NTRK2: variants seen among roughly 807,000 people sequenced by gnomAD.
The protein encoded by NTRK2 is BDNF/NT-3 growth factors receptor.
Under a neutral mutation model 94.5 loss-of-function variants are expected in NTRK2, and 13 were observed. The observed-to-expected ratio is 0.14, with a 90% CI of 0.09 to 0.22. NTRK2 has a LOEUF of 0.22. NTRK2 is among the 10% of genes least tolerant of loss of function. NTRK2 has a pLI of 1.00. For synonymous variants in NTRK2, 372 were observed against 407.4 expected (o/e 0.91, Z 1.05); for missense variants, 639 against 1,071.2 (o/e 0.60, Z 5.63).
At chr9:84,766,772 C>A (rs2066071668) in intron 12 of NTRK2, among the ~76,000 whole-genome samples, 1 of 151,970 alleles carries the variant, frequency 6.6e-6, no homozygotes, top group Admixed American at 6.6e-5. Context: ...ATACATTCAA[C>A]ACACAGATAC....
At chr9:84,886,887 TGGAA>T (rs1164171450) in intron 14 of NTRK2, among the ~76,000 whole-genome samples, 1 of 152,184 alleles carries the variant, frequency 6.6e-6, no homozygotes, top group Non-Finnish European at 1.5e-5. Flanking sequence ...CTTTGAGAAT[TGGAA>T]TTTGAAATCT....
At chr9:84,994,398 T>C (rs1475847874) in intron 17 of NTRK2, among the ~76,000 whole-genome samples, 1 of 152,202 alleles carries the variant, frequency 6.6e-6, no homozygotes, top group Non-Finnish European at 1.5e-5. Context: ...AGATAACATC[T>C]AATTTGATCC....
At chr9:84,753,595 A>G (rs2064830663) in intron 12 of NTRK2, among the ~76,000 whole-genome samples, 1 of 152,134 alleles carries the variant, frequency 6.6e-6, no homozygotes, top group Admixed American at 6.5e-5. Context: ...AAACTCACCC[A>G]CAGCTTTGCA....
intron 14 of NTRK2, among the ~76,000 whole-genome samples, chr9:84,902,564 A>T (rs528329714): frequency 1.3e-5 from 2 of 152,216 alleles, no homozygotes; most frequent in African/African-American, 4.8e-5. Flanking sequence ...AAATAAATAC[A>T]TACATAAACA....
Position 84,670,764 on chromosome 9 carries a change from A to T in NTRK2, c.16A>T (p.Arg6Trp). The change falls in exon 2 of 19, where the codon AGG becomes TGG. Residue 6 changes from arginine (R) to tryptophan (W), a missense_variant. By Grantham distance (101) the Arg-to-Trp change is moderately radical. Around this residue, in one of 5 missense-constraint regions of NTRK2, gnomAD observed 206 missense variants for 251.5 expected, o/e 0.82. Coordinates refer to ENST00000277120, the MANE Select transcript of NTRK2 (RefSeq NM_006180.6). MSSWI[R>W]WHGPAMARLW... ...GCTGCTAGGGATGTCGTCCTGGATAAGGTGGCATGGACCCGCCATGGCGCG... is the reference window on the plus strand; with the variant it reads ...GCTGCTAGGGATGTCGTCCTGGATATGGTGGCATGGACCCGCCATGGCGCG... 2 of 1,613,384 alleles carry T rather than the reference A, an allele frequency of 1.2e-6. No homozygotes were observed. Among genetic ancestry groups the T allele is most frequent in the Non-Finnish European group, 1.7e-6 (2 of 1,180,018 alleles).
In NTRK2 at chr9:84,823,395, G is replaced by A. The variant is rs58089830; in HGVS notation, c.1397-37645G>A. 7.7e-3 allele frequency among the ~76,000 whole-genome samples: 1,167 copies of A among 152,302 alleles called. 8 individuals carry two copies. Among genetic ancestry groups the A allele is most frequent in the African/African-American group, 0.024 (980 of 41,560 alleles). Reference sequence around the variant, plus strand: ...CCTTGCCAGGCATGAGGACCAAGTCGGAGTGGTACAGAGCGATGCATCCTC... The same window carrying A: ...CCTTGCCAGGCATGAGGACCAAGTCAGAGTGGTACAGAGCGATGCATCCTC... On this transcript the variant is annotated intron_variant, in intron 12 of 18. Transcript: ENST00000277120.
At chr9:84,676,191 C>T (rs1280274157) in intron 2 of NTRK2, among the ~76,000 whole-genome samples, 1 of 152,178 alleles carries the variant, frequency 6.6e-6, no homozygotes. Flanking sequence ...CACATGTAAA[C>T]TGAGGGCTTT....
At chr9:84,864,802 G>A (rs11999812) in intron 13 of NTRK2, among the ~76,000 whole-genome samples, 19,662 of 136,418 alleles carry the variant, frequency 0.14, 1,457 homozygotes, top group Admixed American at 0.21. Context: ...GTGCAGTGGT[G>A]TGATCTCAGC....
At chr9:84,986,454 C>T (rs1169483957) in intron 17 of NTRK2, among the ~76,000 whole-genome samples, 1 of 152,152 alleles carries the variant, frequency 6.6e-6, no homozygotes, top group Non-Finnish European at 1.5e-5. Context: ...GAATCTAATG[C>T]CACCACTGAT....
At chr9:84,794,261 C>T (rs567924736) in intron 12 of NTRK2, among the ~76,000 whole-genome samples, 1 of 152,118 alleles carries the variant, frequency 6.6e-6, no homozygotes, top group African/African-American at 2.4e-5. Flanking sequence ...GAAGAAGTTG[C>T]CTAGAAATAG....
intron 2 of NTRK2, among the ~76,000 whole-genome samples, chr9:84,700,293 A>G (rs569204216): frequency 2.0e-5 from 3 of 152,376 alleles, no homozygotes; most frequent in African/African-American, 7.2e-5. Context: ...ATGTTGGTGA[A>G]AAATCTTGCA....
At chr9:84,815,526 T>TTC (rs66929425) in intron 12 of NTRK2, 14 of 1,025,188 alleles carry the variant, frequency 1.4e-5, no homozygotes, top group African/African-American at 1.4e-4. Context: ...CTGTTTTTTT[T>TTC]TTTTTTTTCC....
At chr9:84,958,602 T>G (rs914587786) in intron 17 of NTRK2, among the ~76,000 whole-genome samples, 12 of 152,190 alleles carry the variant, frequency 7.9e-5, no homozygotes, top group African/African-American at 2.9e-4. Flanking sequence ...GGTTAGTTTT[T>G]GTTTGATTTT....
intron 17 of NTRK2, among the ~76,000 whole-genome samples, chr9:84,987,044 C>T (rs911575234): frequency 6.6e-6 from 1 of 152,144 alleles, no homozygotes; most frequent in Non-Finnish European, 1.5e-5. Context: ...ACACCTGCTC[C>T]TATAAATGGG....
chr9:84,868,062 CT>C (rs1303015410), intron 14 of NTRK2, among the ~76,000 whole-genome samples: 1 of 152,196 alleles, frequency 6.6e-6, no homozygotes, highest in Non-Finnish European at 1.5e-5. Flanking sequence ...TTCTAAGGGC[CT>C]TTTGTGCTAT....
intron 9 of NTRK2, among the ~76,000 whole-genome samples, chr9:84,734,562 G>T (rs146163556): frequency 1.3e-5 from 2 of 152,182 alleles, no homozygotes; most frequent in African/African-American, 4.8e-5. Flanking sequence ...TGATTTCCAC[G>T]TGTGGTGGGA....
intron 13 of NTRK2, among the ~76,000 whole-genome samples, chr9:84,866,044 T>C (rs189428169): frequency 7.9e-5 from 12 of 152,338 alleles, no homozygotes; most frequent in African/African-American, 2.9e-4. Flanking sequence ...AAATTTGTCT[T>C]GTACAAAAAA....
At position 84,876,636 on chromosome 9, in the gene NTRK2, A is replaced by G. The variant is rs918631490; in HGVS notation, c.1633+9205A>G. 1.5e-5 allele frequency: 16 copies of G among 1,058,260 alleles called. 2 individuals carry two copies. In the South Asian group the frequency reaches 7.3e-4, roughly 48 times the overall value. The allele number at this position is 1,058,260 out of a possible 1,614,324, so 65.6% of individuals were successfully genotyped here. ...CATAAACATCAATATCTTTACCCACATGATTTTTCCATCCTCCCATTTTTT... is the reference window on the plus strand; with the variant it reads ...CATAAACATCAATATCTTTACCCACGTGATTTTTCCATCCTCCCATTTTTT... On this transcript the variant is annotated intron_variant, in intron 14 of 18. Coordinates refer to ENST00000277120, the MANE Select transcript of NTRK2 (RefSeq NM_006180.6).
At chr9:84,911,697 A>G (rs2077240425) in intron 14 of NTRK2, among the ~76,000 whole-genome samples, 1 of 152,004 alleles carries the variant, frequency 6.6e-6, no homozygotes, top group African/African-American at 2.4e-5. Context: ...ATTTATTTTC[A>G]AAGAACCAAT....
Sources: gnomAD v4.1 joint callset for allele counts (sites outside exome capture counted in the v4.1 genomes callset) on GRCh38, gnomAD v4.1.1 for gene constraint, gnomAD v4.1.1 regional missense constraint, MANE v1.5 for transcripts, NCBI Gene and HGNC (gene_info 2026-07-23, HGNC 2026-07-21) for gene names.